PDK1: variants seen among roughly 807,000 people sequenced by gnomAD.
PDK1 encodes the protein [Pyruvate dehydrogenase (acetyl-transferring)] kinase isozyme 1, mitochondrial.
PDK1 carries 39 observed loss-of-function variants against 54.2 expected under a neutral mutation model. That is an observed-to-expected ratio of 0.72 (90% CI 0.56 to 0.94). The LOEUF is 0.94. Ranked by LOEUF, PDK1 falls within the 40% of genes least tolerant of loss-of-function variation. PDK1 has a pLI of 0.00. For synonymous variants in PDK1, 221 were observed against 207.1 expected, an observed-to-expected ratio of 1.07 and a Z score of -0.58; for missense variants, 552 against 566.0, an observed-to-expected ratio of 0.98 and a Z score of 0.25.
the PDK1 span, among the ~76,000 whole-genome samples, chr2:172,638,238 C>T: frequency 1.7e-3 from 262 of 152,218 alleles, 2 homozygotes; most frequent in South Asian, 0.022. Flanking sequence ...AAGAAAACGA[C>T]ATTTTATTAT....
chr2:172,582,876 A>G (rs1005750425), intron 8 of PDK1, among the ~76,000 whole-genome samples: 11 of 152,228 alleles, frequency 7.2e-5, no homozygotes, highest in African/African-American at 2.4e-4. Context: ...CTCTAGCAAC[A>G]TGATGCTTCT....
the PDK1 span, among the ~76,000 whole-genome samples, chr2:172,638,582 TAAATC>T: frequency 2.6e-5 from 4 of 152,190 alleles, no homozygotes; most frequent in African/African-American, 9.7e-5. Flanking sequence ...TATCTATACT[TAAATC>T]TTATTGAGAG....
At chr2:172,583,561 G>A (rs1330648707) in intron 8 of PDK1, among the ~76,000 whole-genome samples, 2 of 151,728 alleles carry the variant, frequency 1.3e-5, no homozygotes, top group African/African-American at 2.4e-5. Flanking sequence ...CCAAAGTGCT[G>A]GGTTTATAGG....
At chr2:172,574,373 A>G (rs900275602) in intron 8 of PDK1, among the ~76,000 whole-genome samples, 1 of 152,146 alleles carries the variant, frequency 6.6e-6, no homozygotes, top group African/African-American at 2.4e-5. Flanking sequence ...GAGTCCTACA[A>G]CTTCTTTTTC....
At chr2:172,581,846 T>G (rs1220044928) in intron 8 of PDK1, among the ~76,000 whole-genome samples, 1 of 152,232 alleles carries the variant, frequency 6.6e-6, no homozygotes, top group Non-Finnish European at 1.5e-5. Context: ...TAGCTGCTCT[T>G]TCAATTCTGT....
chr2:172,637,214 C>G, the PDK1 span, among the ~76,000 whole-genome samples: 1 of 152,304 alleles, frequency 6.6e-6, no homozygotes, highest in Non-Finnish European at 1.5e-5. Context: ...TTAGTTCCCA[C>G]TTTGACCTGT....
At chr2:172,589,025 T>A (rs1690420042) in intron 9 of PDK1, among the ~76,000 whole-genome samples, 1 of 152,184 alleles carries the variant, frequency 6.6e-6, no homozygotes, top group Non-Finnish European at 1.5e-5. Flanking sequence ...TACTTTCAGA[T>A]GGTGATAGCA....
At chr2:172,576,532 G>T (rs1689596590) in intron 8 of PDK1, among the ~76,000 whole-genome samples, 1 of 150,894 alleles carries the variant, frequency 6.6e-6, no homozygotes, top group South Asian at 2.1e-4. Context: ...CCTTCCTTCT[G>T]CTTGCTGTGG....
At chr2:172,622,278 ATC>A in the PDK1 span, among the ~76,000 whole-genome samples, 38 of 134,288 alleles carry the variant, frequency 2.8e-4, no homozygotes, top group Non-Finnish European at 4.0e-4. Context: ...ATATGTTTAT[ATC>A]TCATATATTA....
At chr2:172,556,008 C>T, upstream of PDK1, 2 of 526,712 alleles carry the variant, frequency 3.8e-6, no homozygotes, top group African/African-American at 2.0e-5. Flanking sequence ...GCGCAGGGGG[C>T]CGGGCTCCGG....
intron 10 of PDK1, 73 bp downstream of exon 10, chr2:172,593,121 G>A: frequency 1.3e-6 from 1 of 780,270 alleles, no homozygotes; most frequent in Non-Finnish European, 2.2e-6. Flanking sequence ...TAACTGTAAT[G>A]AAATTTAACT....
At chr2:172,655,271 A>G in the PDK1 span, among the ~76,000 whole-genome samples, 2 of 152,112 alleles carry the variant, frequency 1.3e-5, no homozygotes, top group East Asian at 1.9e-4. Flanking sequence ...CTTTAAAACT[A>G]TTTCTTTAGA....
At chr2:172,656,981 G>A in the PDK1 span, among the ~76,000 whole-genome samples, 15 of 152,122 alleles carry the variant, frequency 9.9e-5, no homozygotes, top group Admixed American at 2.0e-4. Context: ...GCTCATTCAC[G>A]TTGAGGCTCC....
At chr2:172,622,257 T>TATTATGTGAGATATGTTTATATCTC in the PDK1 span, among the ~76,000 whole-genome samples, 1,556 of 141,180 alleles carry the variant, frequency 0.011, 103 homozygotes, top group African/African-American at 0.043. Context: ...TTATATCTCA[T>TATTATGTGAGATATGTTTATATCTC]ATTATGTGAG....
chr2:172,573,753 T>G (rs1279517541), intron 8 of PDK1, among the ~76,000 whole-genome samples: 1 of 152,022 alleles, frequency 6.6e-6, no homozygotes, highest in Admixed American at 6.6e-5. Flanking sequence ...CTTTTCACTT[T>G]CTTGATAGTA....
At chr2:172,574,586 GTCT>G (rs534698137) in intron 8 of PDK1, among the ~76,000 whole-genome samples, 135 of 152,196 alleles carry the variant, frequency 8.9e-4, no homozygotes, top group Non-Finnish European at 1.5e-3. Context: ...ATCTTTATAG[GTCT>G]TCTTTGCTTT....
At chr2:172,715,985 C>T in the PDK1 span, among the ~76,000 whole-genome samples, 1 of 152,108 alleles carries the variant, frequency 6.6e-6, no homozygotes, top group Non-Finnish European at 1.5e-5. Flanking sequence ...ATTAATAATT[C>T]TTAGGGAACC....
chr2:172,636,556 A>G, the PDK1 span, among the ~76,000 whole-genome samples: 11 of 152,066 alleles, frequency 7.2e-5, no homozygotes, highest in African/African-American at 2.2e-4. Flanking sequence ...CCCCATCTCT[A>G]CTAAAAATAC....
chr2:172,644,986 C>A, the PDK1 span, among the ~76,000 whole-genome samples: 1 of 151,210 alleles, frequency 6.6e-6, no homozygotes, highest in Non-Finnish European at 1.5e-5. Context: ...TACTAATACC[C>A]AGTACATAGG....
Sources: gnomAD v4.1 joint callset for allele counts (sites outside exome capture counted in the v4.1 genomes callset) on GRCh38, gnomAD v4.1.1 for gene constraint, MANE v1.5 for transcripts, NCBI Gene and HGNC (gene_info 2026-07-23, HGNC 2026-07-21) for gene names.